The following SECISBP2L variants were observed in gnomAD, a reference collection of about 807,000 sequenced individuals.
The protein encoded by SECISBP2L is selenocysteine insertion sequence-binding protein 2-like.
A neutral mutation model predicts 114.7 loss-of-function variants in SECISBP2L; 43 were observed. That is an observed-to-expected ratio of 0.38 (90% CI 0.29 to 0.48). The LOEUF (loss-of-function observed/expected upper bound fraction) is 0.48. SECISBP2L is among the 20% of genes least tolerant of loss of function. The pLI, the probability that SECISBP2L is intolerant of heterozygous loss-of-function variation, is 0.98. For missense variants in SECISBP2L, 1,136 were observed against 1,301.1 expected, an observed-to-expected ratio of 0.87 and a Z score of 1.95; for synonymous variants, 451 against 439.7, an observed-to-expected ratio of 1.03 and a Z score of -0.32.
At chr15:49,006,229 G>A (rs971401864) in intron 14 of SECISBP2L, among the ~76,000 whole-genome samples, 2 of 152,046 alleles carry the variant, frequency 1.3e-5, no homozygotes, top group African/African-American at 4.8e-5. Flanking sequence ...TGTCTCTTGG[G>A]TTTGTTCTTC....
In SECISBP2L at chr15:49,046,352, G is replaced by T; in HGVS notation, c.-53C>A. The T allele has an allele frequency of 6.9e-7, 1 of 1,445,310 alleles. No individual in the cohort carries two copies. The highest frequency in any genetic ancestry group is 1.4e-5 in the South Asian group (1 of 71,916). 89.5% of individuals were successfully genotyped at this position (1,445,310 alleles called of 1,614,324 possible). On this transcript the variant is annotated 5_prime_UTR_variant, in exon 1 of 18. Transcript: ENST00000559471. ...CTAGTCGGTGTAAACAGCGCCTCGG[G>T]CCGCTTTCTCCATGGCCCCCCGCTC...
At position 49,011,802 on chromosome 15, in the gene SECISBP2L, C is replaced by G. The variant is rs762100051; in HGVS notation, c.1793G>C (p.Gly598Ala). ...GRLTVDHNLL[G>A]SEEPTEMHLD... Reference sequence around the variant, plus strand: ...GTGCATTTCTGTTGGTTCCTCGGATCCCAAAAGATTGTGGTCCACAGTTAA... The same window carrying G: ...GTGCATTTCTGTTGGTTCCTCGGATGCCAAAAGATTGTGGTCCACAGTTAA... The change falls in exon 13 of 18, where the codon GGA becomes GCA. Residue 598 changes from glycine to alanine, a missense_variant. Physicochemically the swap from Gly to Ala is moderately conservative, Grantham distance 60 (BLOSUM62 0). Around this residue, in one of 2 missense-constraint regions of SECISBP2L, gnomAD observed 684 missense variants for 848.7 expected, o/e 0.81. Transcript: ENST00000559471. 6.2e-7 allele frequency: 1 copy of G among 1,614,082 alleles called. No individual in the cohort carries two copies. The highest frequency in any genetic ancestry group is 8.5e-7 in the Non-Finnish European group (1 of 1,179,996).
chr15:49,019,216 T>A (rs1206521626), intron 8 of SECISBP2L, among the ~76,000 whole-genome samples: 1 of 152,068 alleles, frequency 6.6e-6, no homozygotes, highest in African/African-American at 2.4e-5. Context: ...TTTATAAAAA[T>A]AAACATCAGT....
At chr15:49,039,790 A>G (rs2141087766) in intron 1 of SECISBP2L, among the ~76,000 whole-genome samples, 1 of 152,176 alleles carries the variant, frequency 6.6e-6, no homozygotes, top group Admixed American at 6.5e-5. Flanking sequence ...TCAGCCTCCC[A>G]AAGTGCTGGG....
rs765081272 is a variant in SECISBP2L, at chr15:49,016,714, T to C, written c.1420-13A>G. 2 of 1,531,322 alleles carry C rather than the reference T, an allele frequency of 1.3e-6. No homozygotes were observed. The highest frequency in any genetic ancestry group is 1.7e-6 in the Non-Finnish European group (2 of 1,144,350). 94.9% of individuals were successfully genotyped at this position (1,531,322 alleles called of 1,614,324 possible). On this transcript the variant is annotated splice_polypyrimidine_tract_variant and intron_variant, in intron 10 of 17. Transcript: ENST00000559471. ...TTGATAAAGCTTCCTACAAAATAAA[T>C]ATAAAAAATTAATTTTTTTGTTATA...
intron 3 of SECISBP2L, 86 bp from the exon 4 acceptor site, chr15:49,033,186 T>C: frequency 1.6e-5 from 22 of 1,413,440 alleles, no homozygotes; most frequent in Non-Finnish European, 2.1e-5. Flanking sequence ...AAAATAAACA[T>C]TATAAAATAC....
intron 7 of SECISBP2L, among the ~76,000 whole-genome samples, chr15:49,023,456 C>T (rs1409805036): frequency 6.6e-6 from 1 of 152,218 alleles, no homozygotes; most frequent in Non-Finnish European, 1.5e-5. Flanking sequence ...GCACTTTCCA[C>T]ATTGTTGCTG....
intron 17 of SECISBP2L, 133 bp downstream of exon 17, chr15:48,996,234 T>C (rs1209677547): frequency 3.8e-6 from 3 of 790,282 alleles, no homozygotes; most frequent in African/African-American, 3.5e-5. Context: ...ACATGTTTAA[T>C]GCAATGTTTT....
chr15:49,023,049 G>A (rs1902672219), intron 7 of SECISBP2L, among the ~76,000 whole-genome samples: 1 of 147,718 alleles, frequency 6.8e-6, no homozygotes. Context: ...GACCAATAAA[G>A]TCAATTTATA....
chr15:49,000,157 A>G (rs957661023), intron 15 of SECISBP2L, among the ~76,000 whole-genome samples, 170 bp from the exon 16 acceptor site: 2 of 152,220 alleles, frequency 1.3e-5, no homozygotes, highest in African/African-American at 4.8e-5. Flanking sequence ...ATGGAAGTAT[A>G]TATGTATTTT....
At chr15:49,027,586 G>T in intron 6 of SECISBP2L, 106 bp from the exon 7 acceptor site, 8 of 542,820 alleles carry the variant, frequency 1.5e-5, no homozygotes, top group East Asian at 3.3e-5. Context: ...ATGTAATAGT[G>T]AAAATTTTTC....
chr15:49,032,722 A>G (rs908618701), intron 4 of SECISBP2L, among the ~76,000 whole-genome samples: 1 of 152,220 alleles, frequency 6.6e-6, no homozygotes, highest in African/African-American at 2.4e-5. Context: ...GAACCGCTCC[A>G]TTATTACAAA....
chr15:49,015,777 G>A (rs1417891994), intron 11 of SECISBP2L, among the ~76,000 whole-genome samples: 1 of 152,136 alleles, frequency 6.6e-6, no homozygotes, highest in Non-Finnish European at 1.5e-5. Context: ...TTTTAAACTG[G>A]ATAATTTAAG....
chr15:48,995,025 G>A (rs940307345), intron 17 of SECISBP2L, among the ~76,000 whole-genome samples: 2 of 151,670 alleles, frequency 1.3e-5, no homozygotes, highest in African/African-American at 2.4e-5. Flanking sequence ...AAAACCTTTA[G>A]GCAGAGTATA....
intron 16 of SECISBP2L, 76 bp downstream of exon 16, chr15:48,999,757 G>T: frequency 6.6e-7 from 1 of 1,511,200 alleles, no homozygotes; most frequent in South Asian, 1.2e-5. Context: ...ACATAACACT[G>T]GCATATGTCA....
chr15:49,017,158 A>T, intron 9 of SECISBP2L, 143 bp from the exon 10 acceptor site: 1 of 774,632 alleles, frequency 1.3e-6, no homozygotes, highest in South Asian at 2.1e-5. Context: ...ACAGGATTTG[A>T]CAGTGGGACC....
intron 1 of SECISBP2L, among the ~76,000 whole-genome samples, chr15:49,040,524 A>ATTT (rs1489343303): frequency 8.0e-4 from 57 of 71,076 alleles, no homozygotes; most frequent in Non-Finnish European, 1.1e-3. Flanking sequence ...ATCCCAAACT[A>ATTT]TTCTTTTTTT....
intron 7 of SECISBP2L, among the ~76,000 whole-genome samples, chr15:49,020,604 C>A (rs1902622555): frequency 6.6e-6 from 1 of 152,104 alleles, no homozygotes; most frequent in Admixed American, 6.5e-5. Context: ...ACCTCCTGGG[C>A]ACAAGTGATT....
chr15:49,001,130 C>T (rs1399007819), intron 14 of SECISBP2L, 33 bp from the exon 15 acceptor site: 1 of 1,455,014 alleles, frequency 6.9e-7, no homozygotes, highest in Non-Finnish European at 9.4e-7. Flanking sequence ...GTAACTCCAT[C>T]CTAATTTTTT....
Sources: gnomAD v4.1 joint callset for allele counts (sites outside exome capture counted in the v4.1 genomes callset) on GRCh38, gnomAD v4.1.1 for gene constraint, gnomAD v4.1.1 regional missense constraint, MANE v1.5 for transcripts, NCBI Gene and HGNC (gene_info 2026-07-23, HGNC 2026-07-21) for gene names.